FHOD3: variants seen among roughly 807,000 people sequenced by gnomAD.
FHOD3 encodes formin homology 2 domain containing 3, also known as FH1/FH2 domain-containing protein 3.
A neutral mutation model predicts 173.0 loss-of-function variants in FHOD3; 90 were observed. The ratio of observed to expected loss-of-function variants is 0.52; its 90% confidence interval spans 0.44 to 0.62. The LOEUF (loss-of-function observed/expected upper bound fraction) is 0.62, where lower values mean the gene tolerates loss of function less well. Ranked by LOEUF, FHOD3 falls within the 20% of genes least tolerant of loss-of-function variation. The probability of loss-of-function intolerance (pLI) is 0.00; values close to 1 mark genes in which losing one functional copy is unlikely to be tolerated. For synonymous variants in FHOD3, 828 were observed against 823.0 expected (o/e 1.01, Z -0.10); for missense variants, 1,945 against 2,034.7 (o/e 0.96, Z 0.85).
intron 3 of FHOD3, among the ~76,000 whole-genome samples, chr18:36,387,481 A>G (rs751334568): frequency 6.6e-6 from 1 of 152,198 alleles, no homozygotes; most frequent in Non-Finnish European, 1.5e-5. Flanking sequence ...GTAATGTGAG[A>G]CGTTCCCAGA....
intron 27 of FHOD3, among the ~76,000 whole-genome samples, chr18:36,766,345 A>G (rs17680835): frequency 0.021 from 3,274 of 152,332 alleles, 61 homozygotes; most frequent in East Asian, 0.095. Context: ...GGGAAAAACA[A>G]ATTTCAGTGC....
rs1327787343 is a variant in FHOD3, at chr18:36,594,650, G to C, written c.607-137G>C. The C allele has an allele frequency of 4.9e-6, 3 of 616,570 alleles. No individual in the cohort carries two copies. The Admixed American group carries it at 8.3e-5, about 17-fold the overall frequency. 38.2% of individuals were successfully genotyped at this position (616,570 alleles called of 1,614,324 possible). On this transcript the variant is annotated intron_variant, in intron 6 of 28. Coordinates refer to ENST00000590592, the MANE Select transcript of FHOD3 (RefSeq NM_001281740.3). ...GAGGTGTCTAATGAGGGATTGTGAG[G>C]ATCTGTGAAGGAATCTGTGTAATTG... is the stretch of plus-strand genomic sequence containing the variant.
intron 3 of FHOD3, among the ~76,000 whole-genome samples, chr18:36,455,783 C>T (rs1480477470): frequency 6.6e-6 from 1 of 152,140 alleles, no homozygotes; most frequent in East Asian, 1.9e-4. Flanking sequence ...TGCAGCTACC[C>T]TAAGTGGAGA....
At chr18:36,549,428 C>T (rs1394417410) in intron 5 of FHOD3, among the ~76,000 whole-genome samples, 3 of 150,822 alleles carry the variant, frequency 2.0e-5, no homozygotes, top group African/African-American at 7.3e-5. Flanking sequence ...AGCAGGGTTT[C>T]ATTCTCTTAG....
At chr18:36,596,628 T>G (rs552435456) in intron 7 of FHOD3, among the ~76,000 whole-genome samples, 2 of 152,118 alleles carry the variant, frequency 1.3e-5, no homozygotes, top group African/African-American at 2.4e-5. Flanking sequence ...CCTATACCCT[T>G]GAACATGCAG....
At chr18:36,388,143 A>G (rs2048116832) in intron 3 of FHOD3, among the ~76,000 whole-genome samples, 1 of 152,112 alleles carries the variant, frequency 6.6e-6, no homozygotes, top group Non-Finnish European at 1.5e-5. Flanking sequence ...TTTTTCTCCA[A>G]GGTATTTGCT....
chr18:36,621,255 T>C (rs2033682588), intron 9 of FHOD3, among the ~76,000 whole-genome samples: 1 of 152,216 alleles, frequency 6.6e-6, no homozygotes, highest in Non-Finnish European at 1.5e-5. Context: ...GAAATAACTA[T>C]TACTGTTAAG....
intron 14 of FHOD3, among the ~76,000 whole-genome samples, chr18:36,678,046 T>A (rs879771857): frequency 1.2e-3 from 176 of 152,340 alleles, no homozygotes; most frequent in Non-Finnish European, 1.8e-3. Context: ...CTTAATAAAA[T>A]AACATAGGTT....
intron 28 of FHOD3, among the ~76,000 whole-genome samples, chr18:36,769,644 A>G (rs956624757): frequency 6.6e-6 from 1 of 152,168 alleles, no homozygotes; most frequent in Non-Finnish European, 1.5e-5. Flanking sequence ...TGTATCTGCC[A>G]TTGGTGGCTA....
chr18:36,467,859 C>T (rs1419011299), intron 3 of FHOD3, among the ~76,000 whole-genome samples: 1 of 152,228 alleles, frequency 6.6e-6, no homozygotes, highest in African/African-American at 2.4e-5. Context: ...GCAGAGGTGG[C>T]TCCAGGCGTT....
intron 27 of FHOD3, among the ~76,000 whole-genome samples, chr18:36,767,226 C>T (rs2043177818): frequency 6.6e-6 from 1 of 151,806 alleles, no homozygotes; most frequent in Non-Finnish European, 1.5e-5. Flanking sequence ...TGGGTATAAG[C>T]ACAAAAAGTA....
At chr18:36,596,801 G>A (rs889442003) in intron 7 of FHOD3, among the ~76,000 whole-genome samples, 1 of 152,092 alleles carries the variant, frequency 6.6e-6, no homozygotes, top group South Asian at 2.1e-4. Flanking sequence ...ACAAAATGTT[G>A]CCCTCTGCTG....
intron 5 of FHOD3, among the ~76,000 whole-genome samples, chr18:36,574,642 T>A (rs1480583114): frequency 1.3e-5 from 2 of 152,154 alleles, no homozygotes; most frequent in African/African-American, 4.8e-5. Flanking sequence ...TTTTATTGTA[T>A]CTATAATTTT....
chr18:36,621,180 T>G (rs1054569798), intron 9 of FHOD3, among the ~76,000 whole-genome samples: 3 of 152,230 alleles, frequency 2.0e-5, no homozygotes, highest in African/African-American at 7.2e-5. Flanking sequence ...GTTCTAACTT[T>G]AGATTCTGAA....
intron 6 of FHOD3, among the ~76,000 whole-genome samples, chr18:36,581,626 T>C (rs1443151461): frequency 2.6e-5 from 4 of 152,196 alleles, no homozygotes; most frequent in African/African-American, 7.2e-5. Context: ...TCCCTACTCC[T>C]ATGTAGGCCT....
chr18:36,759,282 G>T, intron 26 of FHOD3, 141 bp downstream of exon 26: 3 of 925,442 alleles, frequency 3.2e-6, no homozygotes, highest in Non-Finnish European at 3.3e-6. Context: ...GTTGGTTTTC[G>T]TGTGATCACT....
At chr18:36,405,737 A>T (rs1013829202) in intron 3 of FHOD3, among the ~76,000 whole-genome samples, 1 of 152,246 alleles carries the variant, frequency 6.6e-6, no homozygotes, top group Non-Finnish European at 1.5e-5. Context: ...ATGACTGTGA[A>T]CATACCAAAA....
chr18:36,754,143 G>C (rs954970826), intron 24 of FHOD3, among the ~76,000 whole-genome samples: 1 of 152,152 alleles, frequency 6.6e-6, no homozygotes, highest in Non-Finnish European at 1.5e-5. Context: ...TTTCTTCTAA[G>C]AGTCATGTAG....
intron 3 of FHOD3, among the ~76,000 whole-genome samples, chr18:36,385,694 C>A (rs898912653): frequency 6.6e-6 from 1 of 152,222 alleles, no homozygotes; most frequent in Non-Finnish European, 1.5e-5. Flanking sequence ...AGCCACTGGG[C>A]CTGGCCTCCA....
Sources: allele counts gnomAD v4.1 joint callset (sites outside exome capture counted in the v4.1 genomes callset), GRCh38; gene constraint gnomAD v4.1.1; transcripts MANE v1.5; gene names NCBI Gene and HGNC (gene_info 2026-07-23, HGNC 2026-07-21).